The following COMMD1 variants were observed in gnomAD, a reference collection of about 807,000 sequenced individuals.
COMMD1 encodes copper metabolism domain containing 1.
In COMMD1, 10 loss-of-function variants were observed where a neutral mutation model predicts 17.2. The observed-to-expected ratio is 0.58, with a 90% confidence interval of 0.36 to 0.99. The LOEUF (loss-of-function observed/expected upper bound fraction) is 0.99, where lower values mean the gene tolerates loss of function less well. COMMD1 is among the 50% of genes least tolerant of loss of function. The pLI is 0.01. For missense variants in COMMD1, 270 were observed against 231.8 expected, an observed-to-expected ratio of 1.17 and a Z score of -1.07; for synonymous variants, 97 against 91.6, an observed-to-expected ratio of 1.06 and a Z score of -0.34.
chr2:61,983,586 T>G (rs1391626391), intron 1 of COMMD1, among the ~76,000 whole-genome samples: 3 of 152,220 alleles, frequency 2.0e-5, no homozygotes, highest in Middle Eastern at 3.2e-3. Flanking sequence ...GTTGTATGTG[T>G]CTAGGAATTT....
intron 1 of COMMD1, among the ~76,000 whole-genome samples, chr2:61,962,153 G>T (rs1344921781): frequency 6.6e-6 from 1 of 152,116 alleles, no homozygotes; most frequent in Admixed American, 6.5e-5. Context: ...ATGATGCTGG[G>T]GTATATACCT....
At chr2:61,955,967 A>G (rs1395063430) in intron 1 of COMMD1, among the ~76,000 whole-genome samples, 1 of 152,192 alleles carries the variant, frequency 6.6e-6, no homozygotes, top group Non-Finnish European at 1.5e-5. Context: ...GATCACAGGC[A>G]TGAGCCACCA....
chr2:61,893,857 G>A (rs1244601499), intron 1 of COMMD1, among the ~76,000 whole-genome samples: 4 of 151,308 alleles, frequency 2.6e-5, no homozygotes, highest in Admixed American at 6.6e-5. Flanking sequence ...GTGGGCAAAA[G>A]ACATGAGTGT....
At position 62,135,354 on chromosome 2, in the gene COMMD1, C is replaced by CT. The variant is rs375207929; in HGVS notation, c.463-463dup. On this transcript the variant is annotated intron_variant, in intron 2 of 2. Transcript: ENST00000311832. ...AATATGAAACACCATCATAAAAGCACTTTTTTTTTTTTTTGAGATGGACTC... is the reference window on the plus strand; with the variant it reads ...AATATGAAACACCATCATAAAAGCACTTTTTTTTTTTTTTTGAGATGGACTC... Among the ~76,000 whole-genome samples the CT allele has an allele frequency of 2.1e-3, 302 of 144,260 alleles. 1 individual carries two copies. Among genetic ancestry groups the CT allele is most frequent in the Non-Finnish European group, 2.4e-3 (154 of 65,440 alleles). The allele number at this position is 144,260 out of a possible 152,430, so 94.6% of individuals were successfully genotyped here.
At chr2:62,119,995 T>G (rs915376361) in intron 2 of COMMD1, among the ~76,000 whole-genome samples, 1 of 152,138 alleles carries the variant, frequency 6.6e-6, no homozygotes, top group African/African-American at 2.4e-5. Flanking sequence ...TATTATTCTT[T>G]TTCTTTTTTT....
At chr2:61,913,649 A>T (rs1383677924) in intron 1 of COMMD1, among the ~76,000 whole-genome samples, 1 of 151,488 alleles carries the variant, frequency 6.6e-6, no homozygotes, top group Non-Finnish European at 1.5e-5. Context: ...ACAAAAAATT[A>T]GCTGGGCATG....
At chr2:61,946,479 G>A (rs958357455) in intron 1 of COMMD1, among the ~76,000 whole-genome samples, 2 of 152,092 alleles carry the variant, frequency 1.3e-5, no homozygotes, top group African/African-American at 4.8e-5. Flanking sequence ...ATTCCAATAA[G>A]ACACAGAATC....
At chr2:61,891,677 G>A (rs1243735720) in intron 1 of COMMD1, among the ~76,000 whole-genome samples, 1 of 151,810 alleles carries the variant, frequency 6.6e-6, no homozygotes, top group Non-Finnish European at 1.5e-5. Flanking sequence ...GTAGTGAGCC[G>A]AGATCATGCC....
chr2:61,959,211 G>A (rs963252883), intron 1 of COMMD1, among the ~76,000 whole-genome samples: 48 of 151,912 alleles, frequency 3.2e-4, no homozygotes, highest in African/African-American at 1.0e-3. Flanking sequence ...TATCATTTGC[G>A]TATGTATGCA....
chr2:62,125,435 G>T (rs1672860373), intron 2 of COMMD1, among the ~76,000 whole-genome samples: 1 of 152,082 alleles, frequency 6.6e-6, no homozygotes, highest in South Asian at 2.1e-4. Flanking sequence ...GCCTCAGTAG[G>T]ATGACTTGCG....
At chr2:62,114,587 C>T (rs534513720) in intron 2 of COMMD1, among the ~76,000 whole-genome samples, 6 of 152,184 alleles carry the variant, frequency 3.9e-5, no homozygotes, top group African/African-American at 1.4e-4. Context: ...AAAGAGAGTT[C>T]GCACCTGAGC....
intron 1 of COMMD1, among the ~76,000 whole-genome samples, chr2:61,923,301 G>C (rs1196712318): frequency 6.6e-6 from 1 of 151,966 alleles, no homozygotes; most frequent in African/African-American, 2.4e-5. Context: ...CTTTTAGTCA[G>C]GTGATAAATA....
chr2:61,990,781 C>A (rs545570312), intron 1 of COMMD1, among the ~76,000 whole-genome samples: 23 of 151,824 alleles, frequency 1.5e-4, no homozygotes, highest in Admixed American at 3.3e-4. Context: ...TCAGTTATCT[C>A]CTGGTGGGTC....
intron 2 of COMMD1, among the ~76,000 whole-genome samples, chr2:62,134,507 T>C (rs1673132604): frequency 6.6e-6 from 1 of 151,870 alleles, no homozygotes; most frequent in Non-Finnish European, 1.5e-5. Context: ...AATGCAGATG[T>C]AGAATTTGTC....
intron 1 of COMMD1, among the ~76,000 whole-genome samples, chr2:61,951,150 A>G (rs1428175271): frequency 1.3e-5 from 2 of 152,074 alleles, no homozygotes; most frequent in Non-Finnish European, 2.9e-5. Flanking sequence ...GGGAAGTTGG[A>G]TAAGGGAAGT....
chr2:62,051,453 T>C (rs930810020), intron 2 of COMMD1, among the ~76,000 whole-genome samples: 5 of 152,236 alleles, frequency 3.3e-5, no homozygotes, highest in African/African-American at 9.6e-5. Flanking sequence ...TTTTCATATA[T>C]GCATCTTAAT....
At chr2:61,925,192 T>TA (rs1558523484) in intron 1 of COMMD1, among the ~76,000 whole-genome samples, 1 of 146,212 alleles carries the variant, frequency 6.8e-6, no homozygotes, top group Non-Finnish European at 1.5e-5. Context: ...AGGGAGAGAG[T>TA]GGGGGAGAGA....
At chr2:61,948,851 A>G (rs1302327586) in intron 1 of COMMD1, among the ~76,000 whole-genome samples, 1 of 152,184 alleles carries the variant, frequency 6.6e-6, no homozygotes, top group Non-Finnish European at 1.5e-5. Context: ...CCCCTTCAAG[A>G]TCTCCCTAGG....
chr2:62,099,797 T>C (rs1672124245), intron 2 of COMMD1, among the ~76,000 whole-genome samples: 1 of 151,980 alleles, frequency 6.6e-6, no homozygotes, highest in Non-Finnish European at 1.5e-5. Flanking sequence ...CTTCTTAATA[T>C]TTGTTGGGGA....
Sources: allele counts gnomAD v4.1 joint callset (sites outside exome capture counted in the v4.1 genomes callset), GRCh38; gene constraint gnomAD v4.1.1; transcripts MANE v1.5; gene names NCBI Gene and HGNC (gene_info 2026-07-23, HGNC 2026-07-21).